Variants in ARHGAP10 observed in about 807,000 individuals in gnomAD.
The protein encoded by ARHGAP10 is rho GTPase-activating protein 10.
In ARHGAP10, 87 loss-of-function variants were observed where a neutral mutation model predicts 108.6. The observed-to-expected ratio is 0.80, with a 90% CI of 0.67 to 0.96. The LOEUF is 0.96. Among genes scored for constraint, ARHGAP10 ranks in the 40% least tolerant of loss-of-function variants. ARHGAP10 has a pLI of 0.00. For missense variants in ARHGAP10, 939 were observed against 954.5 expected (o/e 0.98, Z 0.21); for synonymous variants, 347 against 341.1 (o/e 1.02, Z -0.19).
chr4:147,857,726 TA>T, intron 5 of ARHGAP10, 72 bp downstream of exon 5: 1 of 1,233,024 alleles, frequency 8.1e-7, no homozygotes, highest in South Asian at 2.0e-5. Flanking sequence ...AAATGTGCTT[TA>T]ATTTGGATAA....
At chr4:147,826,966 A>C (rs1406939705) in intron 3 of ARHGAP10, among the ~76,000 whole-genome samples, 1 of 152,152 alleles carries the variant, frequency 6.6e-6, no homozygotes, top group Non-Finnish European at 1.5e-5. Context: ...TTTCCAAGTC[A>C]CTTTCAATCT....
chr4:148,004,122 A>T (rs1457881824), intron 18 of ARHGAP10, among the ~76,000 whole-genome samples: 3 of 152,180 alleles, frequency 2.0e-5, no homozygotes, highest in Non-Finnish European at 4.4e-5. Context: ...CCAGCTACTC[A>T]GGAGACTGAG....
At chr4:147,967,937 G>A (rs1013852706) in intron 18 of ARHGAP10, among the ~76,000 whole-genome samples, 5 of 152,188 alleles carry the variant, frequency 3.3e-5, no homozygotes, top group East Asian at 1.9e-4. Context: ...GGGAGGAAAC[G>A]TCTCTTCTTT....
intron 18 of ARHGAP10, among the ~76,000 whole-genome samples, chr4:148,010,680 G>A (rs1279658548): frequency 1.3e-5 from 2 of 152,102 alleles, no homozygotes; most frequent in African/African-American, 4.8e-5. Flanking sequence ...TCACAATACT[G>A]TTATCTATAT....
chr4:148,056,057 C>T (rs796267405), intron 20 of ARHGAP10, among the ~76,000 whole-genome samples: 19 of 152,296 alleles, frequency 1.2e-4, no homozygotes, highest in African/African-American at 1.9e-4. Context: ...TAGTTGTTTA[C>T]GTTTTGTCTG....
chr4:147,956,929 A>C (rs551911870), intron 16 of ARHGAP10, among the ~76,000 whole-genome samples: 4 of 152,218 alleles, frequency 2.6e-5, no homozygotes, highest in Admixed American at 2.0e-4. Context: ...GGTTCCTAAG[A>C]GGTAGGAGCT....
At chr4:148,050,316 TACTG>T (rs955495236) in intron 20 of ARHGAP10, among the ~76,000 whole-genome samples, 1 of 151,970 alleles carries the variant, frequency 6.6e-6, no homozygotes, top group African/African-American at 2.4e-5. Flanking sequence ...TTCTCTGTGT[TACTG>T]AATGTCTCTT....
chr4:147,872,990 A>G (rs1734899544), intron 7 of ARHGAP10, among the ~76,000 whole-genome samples: 1 of 151,986 alleles, frequency 6.6e-6, no homozygotes, highest in Non-Finnish European at 1.5e-5. Flanking sequence ...GTAGATGGGG[A>G]GGAAAATCCA....
chr4:147,857,786 T>G, intron 5 of ARHGAP10, 132 bp downstream of exon 5: 1 of 791,858 alleles, frequency 1.3e-6, no homozygotes, highest in Non-Finnish European at 1.7e-6. Flanking sequence ...ACAGGTATTG[T>G]CATAAATTAA....
chr4:148,027,289 TA>T (rs796953124), intron 19 of ARHGAP10, among the ~76,000 whole-genome samples: 2 of 152,300 alleles, frequency 1.3e-5, no homozygotes, highest in East Asian at 1.9e-4. Flanking sequence ...TTAGGCAACT[TA>T]AAAAAATATG....
intron 18 of ARHGAP10, among the ~76,000 whole-genome samples, chr4:147,999,613 G>A: frequency 6.6e-6 from 1 of 152,312 alleles, no homozygotes; most frequent in East Asian, 1.9e-4. Flanking sequence ...TAATGGAGCT[G>A]AACACTAGTC....
chr4:147,821,158 G>A (rs930646757), intron 1 of ARHGAP10, among the ~76,000 whole-genome samples: 1 of 152,134 alleles, frequency 6.6e-6, no homozygotes, highest in Admixed American at 6.5e-5. Flanking sequence ...GCTTGTTCTC[G>A]TGAAGGACTG....
At chr4:147,739,392 TAAGG>T (rs1382859651) in intron 1 of ARHGAP10, among the ~76,000 whole-genome samples, 1 of 152,156 alleles carries the variant, frequency 6.6e-6, no homozygotes, top group Non-Finnish European at 1.5e-5. Context: ...AAGTGACTGA[TAAGG>T]AAGAGTTGAT....
chr4:148,028,126 G>A (rs747098441), intron 19 of ARHGAP10, among the ~76,000 whole-genome samples: 14 of 152,200 alleles, frequency 9.2e-5, no homozygotes, highest in Non-Finnish European at 1.6e-4. Flanking sequence ...GAAGTCTGTA[G>A]GGGGTGCTTT....
chr4:147,962,478 G>C (rs1413830755), intron 16 of ARHGAP10, among the ~76,000 whole-genome samples: 1 of 152,186 alleles, frequency 6.6e-6, no homozygotes, highest in Non-Finnish European at 1.5e-5. Flanking sequence ...GAGGCACAGA[G>C]AGGTTAGTTA....
intron 10 of ARHGAP10, among the ~76,000 whole-genome samples, chr4:147,903,549 A>G (rs1048863518): frequency 2.0e-5 from 3 of 152,198 alleles, no homozygotes; most frequent in Non-Finnish European, 4.4e-5. Context: ...TACTGAATGT[A>G]TCCATCATTC....
At chr4:148,029,086 G>A (rs183581603) in intron 19 of ARHGAP10, among the ~76,000 whole-genome samples, 1 of 152,144 alleles carries the variant, frequency 6.6e-6, no homozygotes, top group African/African-American at 2.4e-5. Flanking sequence ...GGTGTAGAAT[G>A]TCTTGGTATA....
At chr4:147,976,232 C>A in intron 18 of ARHGAP10, among the ~76,000 whole-genome samples, 1 of 152,186 alleles carries the variant, frequency 6.6e-6, no homozygotes, top group Non-Finnish European at 1.5e-5. Context: ...AAAAAGAAAT[C>A]TCTTTAAAAA....
chr4:147,993,601 A>G (rs2149637937), intron 18 of ARHGAP10, among the ~76,000 whole-genome samples: 1 of 152,372 alleles, frequency 6.6e-6, no homozygotes. Flanking sequence ...GAAACCCAGT[A>G]GCATGGTCTG....
Sources: allele counts gnomAD v4.1 joint callset (sites outside exome capture counted in the v4.1 genomes callset), GRCh38; gene constraint gnomAD v4.1.1; transcripts MANE v1.5; gene names NCBI Gene and HGNC (gene_info 2026-07-23, HGNC 2026-07-21).